RBFOX1: variants seen among roughly 807,000 people sequenced by gnomAD.
RBFOX1 encodes the protein RNA binding fox-1 homolog 1.
Under a neutral mutation model 57.7 loss-of-function variants are expected in RBFOX1, and 8 were observed. That is an observed-to-expected ratio of 0.14 (90% CI 0.08 to 0.25). The LOEUF is 0.25. RBFOX1 is among the 10% of genes least tolerant of loss of function. RBFOX1 has a pLI of 1.00. For synonymous variants in RBFOX1, 326 were observed against 222.4 expected (o/e 1.47, Z -4.15); for missense variants, 611 against 548.5 (o/e 1.11, Z -1.14).
chr16:6,835,662 G>A lies in RBFOX1; in HGVS notation c.-16+181012G>A, dbSNP rs2093039508. Among the ~76,000 whole-genome samples the A allele has an allele frequency of 6.8e-5, 10 of 146,152 alleles. No individual in the cohort carries two copies. The South Asian group carries it at 2.3e-3, about 33-fold the overall frequency. On this transcript the variant is annotated intron_variant, in intron 3 of 15. Coordinates refer to ENST00000550418, the MANE Select transcript of RBFOX1 (RefSeq NM_018723.4). ...CAGCTACTGGGAGAGGCTGAGGCAT[G>A]AGAATAGCTTGAACCTCAGAGGTAG...
chr16:7,141,344 A>C (rs1246912019), intron 4 of RBFOX1, among the ~76,000 whole-genome samples: 1 of 152,152 alleles, frequency 6.6e-6, no homozygotes, highest in Admixed American at 6.5e-5. Context: ...CTGGGAATCT[A>C]ATGCTGACCA....
intron 2 of RBFOX1, among the ~76,000 whole-genome samples, chr16:5,577,082 T>C (rs1426192594): frequency 6.6e-6 from 1 of 152,258 alleles, no homozygotes; most frequent in East Asian, 1.9e-4. Flanking sequence ...TGCAGGATAC[T>C]GTCAGGACAT....
chr16:6,092,920 T>C (rs1393315989), intron 1 of RBFOX1: 11 of 152,158 alleles, frequency 7.2e-5, no homozygotes, highest in Non-Finnish European at 2.9e-5. Flanking sequence ...TTTTAATTCC[T>C]ATGGTGGGAA....
chr16:5,887,434 C>T (rs956904816), intron 4 of RBFOX1, among the ~76,000 whole-genome samples: 3 of 152,174 alleles, frequency 2.0e-5, no homozygotes, highest in Admixed American at 1.3e-4. Flanking sequence ...TGTAGTCTCA[C>T]TCTGTTGCCC....
At chr16:7,487,979 A>G (rs1405831983) in intron 4 of RBFOX1, among the ~76,000 whole-genome samples, 1 of 151,968 alleles carries the variant, frequency 6.6e-6, no homozygotes, top group Non-Finnish European at 1.5e-5. Context: ...CCTCTTTTCT[A>G]ATTAACTCTG....
intron 14 of RBFOX1, chr16:7,693,292 G>A: frequency 6.2e-7 from 1 of 1,610,716 alleles, no homozygotes; most frequent in Non-Finnish European, 8.5e-7. Flanking sequence ...GAGCAGTATT[G>A]TGAATTTTAT....
intron 1 of RBFOX1, among the ~76,000 whole-genome samples, chr16:6,205,763 T>A (rs2097251152): frequency 6.6e-6 from 1 of 151,488 alleles, no homozygotes; most frequent in South Asian, 2.1e-4. Flanking sequence ...TTTCTAGACT[T>A]TTTTTCTGCT....
chr16:6,938,619 T>G (rs11864535), intron 3 of RBFOX1, among the ~76,000 whole-genome samples: 37,747 of 152,104 alleles, frequency 0.25, 5,046 homozygotes, highest in African/African-American at 0.34. Flanking sequence ...TTAGTTGGAC[T>G]GTTTATAGGA....
intron 4 of RBFOX1, among the ~76,000 whole-genome samples, chr16:7,283,565 T>G (rs11865410): frequency 0.12 from 18,974 of 151,978 alleles, 1,701 homozygotes; most frequent in African/African-American, 0.24. Flanking sequence ...CCCTTGACAT[T>G]CTGTATCTCC....
chr16:7,292,728 C>G (rs2095816961), intron 4 of RBFOX1, among the ~76,000 whole-genome samples: 1 of 151,880 alleles, frequency 6.6e-6, no homozygotes, highest in African/African-American at 2.4e-5. Flanking sequence ...TAGTCTTTTT[C>G]TTACATGTCA....
intron 4 of RBFOX1, among the ~76,000 whole-genome samples, chr16:7,394,263 A>AAAAAAG (rs1555833371): frequency 7.2e-6 from 1 of 139,230 alleles, no homozygotes; most frequent in African/African-American, 2.6e-5. Flanking sequence ...AAAAAAAAAA[A>AAAAAAG]AGAGAGAAAG....
chr16:5,452,024 C>T (rs1045206476), intron 1 of RBFOX1, among the ~76,000 whole-genome samples: 1 of 152,072 alleles, frequency 6.6e-6, no homozygotes, highest in Non-Finnish European at 1.5e-5. Flanking sequence ...CCCATTGCCT[C>T]TTCTGGGTTC....
At chr16:6,885,225 T>A (rs1355456738) in intron 3 of RBFOX1, among the ~76,000 whole-genome samples, 1 of 152,136 alleles carries the variant, frequency 6.6e-6, no homozygotes, top group Admixed American at 6.5e-5. Context: ...AACTGTGGTT[T>A]TTCAGATGTG....
intron 3 of RBFOX1, among the ~76,000 whole-genome samples, chr16:6,789,214 A>T (rs2154246373): frequency 6.6e-6 from 1 of 152,274 alleles, no homozygotes; most frequent in South Asian, 2.1e-4. Context: ...CATGAAATGC[A>T]CGTGACAAGA....
intron 4 of RBFOX1, among the ~76,000 whole-genome samples, chr16:7,175,055 T>A (rs2081384015): frequency 6.6e-6 from 1 of 152,104 alleles, no homozygotes; most frequent in Admixed American, 6.6e-5. Flanking sequence ...TTTTTTATTT[T>A]TAATTCTGGG....
chr16:5,821,826 C>T (rs563583504), intron 3 of RBFOX1, among the ~76,000 whole-genome samples: 1 of 152,192 alleles, frequency 6.6e-6, no homozygotes. Context: ...GCTGCATCCT[C>T]ACATGGTGAA....
Position 6,964,958 on chromosome 16 carries a change from C to A in RBFOX1, c.-15-87099C>A, listed in dbSNP as rs373770800. ...TAAAGGAGATAACAGACGCCAGGCACTTAGCAGCGAGTGTGGCCTATCCTA... is the reference window on the plus strand; with the variant it reads ...TAAAGGAGATAACAGACGCCAGGCAATTAGCAGCGAGTGTGGCCTATCCTA... On this transcript the variant is annotated intron_variant, in intron 3 of 15. Transcript: ENST00000550418. Among the ~76,000 whole-genome samples the A allele has an allele frequency of 7.6e-4, 116 of 152,296 alleles. 1 individual carries two copies. The highest frequency in any genetic ancestry group is 3.4e-3 in the Middle Eastern group (1 of 294).
chr16:5,909,524 G>A (rs1282160009), intron 4 of RBFOX1, among the ~76,000 whole-genome samples: 1 of 152,222 alleles, frequency 6.6e-6, no homozygotes, highest in Non-Finnish European at 1.5e-5. Context: ...CATCAACTTT[G>A]ACAGGTGCAG....
chr16:5,476,132 T>G (rs533160072), intron 2 of RBFOX1, among the ~76,000 whole-genome samples: 35 of 152,266 alleles, frequency 2.3e-4, no homozygotes, highest in African/African-American at 7.0e-4. Context: ...ACCACTCACG[T>G]TTTAATGCAT....
Sources: gnomAD v4.1 joint callset for allele counts (sites outside exome capture counted in the v4.1 genomes callset) on GRCh38, gnomAD v4.1.1 for gene constraint, MANE v1.5 for transcripts, NCBI Gene and HGNC (gene_info 2026-07-23, HGNC 2026-07-21) for gene names.